DMD: variants seen among roughly 807,000 people sequenced by gnomAD.
DMD encodes mutant dystrophin.
A neutral mutation model predicts 330.1 loss-of-function variants in DMD; 63 were observed. The observed-to-expected ratio is 0.19, with a 90% confidence interval of 0.16 to 0.24. DMD has a LOEUF of 0.24. Among genes scored for constraint, DMD ranks in the 10% least tolerant of loss-of-function variants. The pLI is 1.00. For synonymous variants in DMD, 1,223 were observed against 959.8 expected, an observed-to-expected ratio of 1.27 and a Z score of -5.07; for missense variants, 3,344 against 2,684.1, an observed-to-expected ratio of 1.25 and a Z score of -5.43.
At chrX:31,860,667 T>C (rs2093684131) in intron 48 of DMD, among the ~76,000 whole-genome samples, 1 of 112,182 alleles carries the variant, frequency 8.9e-6, no homozygotes, top group Non-Finnish European at 1.9e-5. Flanking sequence ...AATAAAATGT[T>C]AAGCTTCCAG....
intron 41 of DMD, among the ~76,000 whole-genome samples, chrX:32,312,520 G>C (rs2097566433): frequency 9.0e-6 from 1 of 110,615 alleles, no homozygotes; most frequent in Non-Finnish European, 1.9e-5. Context: ...ACTCACTTTT[G>C]TCTGCTAACT....
At position 32,310,118 on chromosome X, in the gene DMD, G is replaced by T; in HGVS notation, c.6081C>A (p.Asp2027Glu). ...CCTCTTGCTTAAAGAGATCTTCAAA[G>T]TCCTTAGCACAGAGGTCAGGAGCAT... Reference protein sequence around the residue: ...LLNAPDLCAKDFEDLFKQEES... With the variant: ...LLNAPDLCAKEFEDLFKQEES... Residue 2027 changes from aspartate (D) to glutamate (E), a missense_variant, in exon 42 of 79, where the codon GAC becomes GAA. Transcript: ENST00000357033. 1 of 1,209,225 alleles carries T rather than the reference G, an allele frequency of 8.3e-7. No individual in the cohort carries two copies. The highest frequency in any genetic ancestry group is 1.1e-6 in the Non-Finnish European group (1 of 893,819).
chrX:31,575,051 A>C (rs1427396335), intron 55 of DMD, among the ~76,000 whole-genome samples: 1 of 111,762 alleles, frequency 8.9e-6, no homozygotes, highest in African/African-American at 3.3e-5. Flanking sequence ...CTGAGGGCTA[A>C]ATAAATTTTG....
intron 1 of DMD, among the ~76,000 whole-genome samples, chrX:33,328,503 G>A (rs1441291964): frequency 9.0e-6 from 1 of 111,011 alleles, no homozygotes; most frequent in Middle Eastern, 4.2e-3. Flanking sequence ...GCCCATACAG[G>A]TTTAAATATT....
rs886038872 is a variant in DMD at position 31,820,003 on chromosome X, T to A, written c.7281A>T (p.Leu2427=). 1 of 1,211,624 alleles carries A rather than the reference T, an allele frequency of 8.3e-7. No individual in the cohort carries two copies. Among genetic ancestry groups the A allele is most frequent in the Admixed American group, 2.2e-5 (1 of 46,068 alleles). ...CTCCAATAGTGGTCAGTCCAGGAGCTAGGTCAGGCTGCTTTGCCCTCAGCT... is the reference window on the plus strand; with the variant it reads ...CTCCAATAGTGGTCAGTCCAGGAGCAAGGTCAGGCTGCTTTGCCCTCAGCT... ...LQELRAKQPD[L]APGLTTIGAS... Residue 2427 remains leucine, a synonymous_variant, in exon 50 of 79, where the codon CTA becomes CTT. Coordinates refer to ENST00000357033, the MANE Select transcript of DMD (RefSeq NM_004006.3).
Position 31,478,342 on chromosome X carries a change from T to C in DMD, c.8701A>G (p.Thr2901Ala), listed in dbSNP as rs2067976171. 8.3e-7 allele frequency: 1 copy of C among 1,209,644 alleles called. No individual in the cohort carries two copies. ...TCAGCCTGCTTTCGTAGAAGCCGAG[T>C]GACATTCTGGGCTCTCTCCTCAGGA... is the stretch of plus-strand genomic sequence containing the variant. ...LPPEERAQNV[T>A]RLLRKQAEEV... Residue 2901 changes from threonine to alanine, a missense_variant, in exon 59 of 79, where the codon ACT (threonine) becomes GCT (alanine). Coordinates refer to ENST00000357033, the MANE Select transcript of DMD (RefSeq NM_004006.3).
At chrX:33,128,165 T>A in intron 1 of DMD, 1 of 1,207,306 alleles carries the variant, frequency 8.3e-7, no homozygotes, top group Non-Finnish European at 1.1e-6. Flanking sequence ...ACCTCAGACA[T>A]TTCAAATTCT....
chrX:33,117,445 A>G (rs1349543591), intron 1 of DMD, among the ~76,000 whole-genome samples: 1 of 111,859 alleles, frequency 8.9e-6, no homozygotes, highest in African/African-American at 3.2e-5. Context: ...TTCAGAATGT[A>G]TATGTATCAA....
intron 47 of DMD, among the ~76,000 whole-genome samples, chrX:31,895,222 A>G (rs1262966020): frequency 1.8e-5 from 2 of 111,732 alleles, no homozygotes; most frequent in Non-Finnish European, 3.8e-5. Context: ...GGATGATTTC[A>G]CAGAGGATAT....
intron 30 of DMD, among the ~76,000 whole-genome samples, chrX:32,408,626 C>T (rs1006292560): frequency 2.7e-5 from 3 of 111,608 alleles, no homozygotes; most frequent in Non-Finnish European, 3.8e-5. Flanking sequence ...CAGTATATGA[C>T]AGAAAATCTG....
Position 32,573,798 on chromosome X carries a change from A to G in DMD, c.1651T>C (p.Trp551Arg). ...AGAAGGATGTCTTGTAAAAGAACCC[A>G]GCGGTCTTCTGTCCATCTACAGATG... ...ANICRWTEDR[W>R]VLLQDILLKW... Residue 551 changes from tryptophan (W) to arginine (R), a missense_variant, in exon 14 of 79, where the codon TGG becomes CGG. Transcript: ENST00000357033. 8.3e-7 allele frequency: 1 copy of G among 1,211,871 alleles called. No homozygotes were observed. Among genetic ancestry groups the G allele is most frequent in the Non-Finnish European group, 1.1e-6 (1 of 895,476 alleles).
intron 7 of DMD, among the ~76,000 whole-genome samples, chrX:32,710,677 GA>G (rs200585097): frequency 4.6e-5 from 5 of 109,153 alleles, no homozygotes; most frequent in African/African-American, 6.6e-5. Flanking sequence ...GATATCTACA[GA>G]AAAAAAAATG....
At chrX:32,370,236 T>A (rs5902028) in intron 34 of DMD, among the ~76,000 whole-genome samples, 222 of 87,556 alleles carry the variant, frequency 2.5e-3, no homozygotes, top group African/African-American at 8.4e-3. Context: ...TTTTTTTTTT[T>A]AAATTCTCAG....
At chrX:31,402,555 A>G (rs185480716) in intron 60 of DMD, among the ~76,000 whole-genome samples, 1 of 112,086 alleles carries the variant, frequency 8.9e-6, no homozygotes, top group Non-Finnish European at 1.9e-5. Flanking sequence ...GTTTACTTCT[A>G]GTGATAATGT....
At chrX:31,499,268 T>C (rs4581205) in intron 56 of DMD, among the ~76,000 whole-genome samples, 33,146 of 109,901 alleles carry the variant, frequency 0.3, 3,714 homozygotes, top group East Asian at 0.52. Flanking sequence ...GTCTGCCTGG[T>C]AGAGGAAACA....
rs1286253514 is a variant in DMD, at chrX:31,977,012, G to A, written c.6439-8498C>T. 5.4e-5 allele frequency among the ~76,000 whole-genome samples: 6 copies of A among 111,773 alleles called. No individual in the cohort carries two copies. In the Admixed American group the frequency reaches 5.7e-4, roughly 11 times the overall value. On this transcript the variant is annotated intron_variant, in intron 44 of 78. Coordinates refer to ENST00000357033, the MANE Select transcript of DMD (RefSeq NM_004006.3). ...ATGGGGACACCCTAGAAAATGCTGT[G>A]TTACAATATAACTATGGCGATTGCT...
At chrX:31,161,014 C>A (rs1268434327) in intron 74 of DMD, among the ~76,000 whole-genome samples, 2 of 111,595 alleles carry the variant, frequency 1.8e-5, no homozygotes, top group Non-Finnish European at 3.8e-5. Context: ...GTCCTTAATA[C>A]TCTGTGCCAC....
intron 4 of DMD, among the ~76,000 whole-genome samples, chrX:32,832,122 T>C (rs1302199255): frequency 9.0e-6 from 1 of 111,410 alleles, no homozygotes; most frequent in Non-Finnish European, 1.9e-5. Flanking sequence ...TGTTCCCTCA[T>C]ATGCAGTGTA....
intron 52 of DMD, among the ~76,000 whole-genome samples, chrX:31,711,926 C>G (rs1182696810): frequency 9.0e-6 from 1 of 110,887 alleles, no homozygotes; most frequent in Non-Finnish European, 1.9e-5. Context: ...TTAAAGTACG[C>G]ATTTTGGGGA....
Sources: gnomAD v4.1 joint callset for allele counts (sites outside exome capture counted in the v4.1 genomes callset) on GRCh38, gnomAD v4.1.1 for gene constraint, MANE v1.5 for transcripts, NCBI Gene and HGNC (gene_info 2026-07-23, HGNC 2026-07-21) for gene names.